Variants in SRGAP2 observed in about 807,000 individuals in gnomAD.
The protein encoded by SRGAP2 is SLIT-ROBO Rho GTPase-activating protein 2.
Under a neutral mutation model 57.2 loss-of-function variants are expected in SRGAP2, and 15 were observed. The observed-to-expected ratio is 0.26, with a 90% CI of 0.18 to 0.40. The LOEUF is 0.40. Ranked by LOEUF, SRGAP2 falls within the 10% of genes least tolerant of loss-of-function variation. The pLI is 1.00. For missense variants in SRGAP2, 520 were observed against 669.6 expected, an observed-to-expected ratio of 0.78 and a Z score of 2.47; for synonymous variants, 249 against 248.0, an observed-to-expected ratio of 1.00 and a Z score of -0.04.
At chr1:206,289,568 C>T (rs1393825184) in intron 2 of SRGAP2, among the ~76,000 whole-genome samples, 10 of 151,672 alleles carry the variant, frequency 6.6e-5, no homozygotes, top group South Asian at 4.2e-4. Flanking sequence ...TGAGCCACCG[C>T]GCCCAGCTGG....
intron 2 of SRGAP2, among the ~76,000 whole-genome samples, chr1:206,268,313 C>T (rs1670001021): frequency 7.2e-6 from 1 of 138,390 alleles, no homozygotes; most frequent in Admixed American, 7.3e-5. Context: ...TCAGTTCCCA[C>T]CTATGAATGA....
At chr1:206,277,904 G>A (rs1158997513) in intron 2 of SRGAP2, among the ~76,000 whole-genome samples, 1 of 152,024 alleles carries the variant, frequency 6.6e-6, no homozygotes, top group Non-Finnish European at 1.5e-5. Context: ...GCTTGAACCA[G>A]GGAGTCAGGG....
chr1:206,384,445 T>C (rs1366582352), intron 5 of SRGAP2, among the ~76,000 whole-genome samples: 5 of 150,246 alleles, frequency 3.3e-5, no homozygotes, highest in Non-Finnish European at 7.4e-5. Context: ...AATATGTGCC[T>C]GTCGGAAAGC....
chr1:206,437,812 C>G (rs1276378647), intron 15 of SRGAP2, 152 bp from the exon 16 acceptor site: 1 of 646,228 alleles, frequency 1.5e-6, no homozygotes, highest in Non-Finnish European at 2.8e-6. Context: ...TTTATCTGTT[C>G]CCTGGTCTGT....
intron 5 of SRGAP2, among the ~76,000 whole-genome samples, chr1:206,387,286 G>A (rs185094544): frequency 1.3e-5 from 2 of 150,430 alleles, no homozygotes; most frequent in African/African-American, 2.5e-5. Context: ...ACATGAAATT[G>A]TCAGTGATGA....
At chr1:206,239,373 T>C (rs1408841074) in intron 2 of SRGAP2, among the ~76,000 whole-genome samples, 1 of 151,002 alleles carries the variant, frequency 6.6e-6, no homozygotes, top group Non-Finnish European at 1.5e-5. Flanking sequence ...TTAGTCCCCC[T>C]TCCCCAAAGA....
intron 2 of SRGAP2, among the ~76,000 whole-genome samples, chr1:206,277,291 TC>T (rs1331871488): frequency 7.9e-6 from 1 of 126,182 alleles, no homozygotes; most frequent in Non-Finnish European, 1.6e-5. Flanking sequence ...AAATTGTTTT[TC>T]TTCATGCTTC....
chr1:206,364,079 A>G (rs1172185085), intron 4 of SRGAP2, among the ~76,000 whole-genome samples: 1 of 147,756 alleles, frequency 6.8e-6, no homozygotes, highest in African/African-American at 2.5e-5. Context: ...GAACAGGGAA[A>G]AAGTTACTAC....
At position 206,450,354 on chromosome 1, in the gene SRGAP2, TAATGTCCCTGTC is replaced by T; in HGVS notation, c.2100-30_2100-19del. On this transcript the variant is annotated intron_variant, in intron 18 of 22. Coordinates refer to ENST00000573034, the MANE Select transcript of SRGAP2 (RefSeq NM_015326.5). ...AGACAAGAATTTTATGAGCACATGT[TAATGTCCCTGTC>T]ACTCTTGCTTCTGTTGCAGTGATAG... The T allele has an allele frequency of 1.3e-6, 1 of 779,842 alleles. No homozygotes were observed. The highest frequency in any genetic ancestry group is 2.4e-6 in the Non-Finnish European group (1 of 417,512). 48.3% of individuals were successfully genotyped at this position (779,842 alleles called of 1,614,324 possible).
intron 2 of SRGAP2, chr1:206,214,391 A>G (rs1434030541): frequency 6.6e-6 from 1 of 150,920 alleles, no homozygotes; most frequent in South Asian, 2.1e-4. Context: ...TGATGAAAAA[A>G]GTGAGGTGTA....
chr1:206,307,599 C>T (rs1428207694), intron 3 of SRGAP2, among the ~76,000 whole-genome samples: 11 of 152,242 alleles, frequency 7.2e-5, no homozygotes, highest in Non-Finnish European at 1.0e-4. Context: ...CCCTGCCCCG[C>T]GGGAAGGCAG....
chr1:206,355,718 G>A (rs1676378779), intron 4 of SRGAP2, among the ~76,000 whole-genome samples: 1 of 152,198 alleles, frequency 6.6e-6, no homozygotes, highest in African/African-American at 2.4e-5. Context: ...TGTAACCCCA[G>A]CACTTTGGGA....
chr1:206,432,565 C>T (rs979720075), intron 14 of SRGAP2, among the ~76,000 whole-genome samples: 6 of 152,104 alleles, frequency 3.9e-5, no homozygotes, highest in Admixed American at 3.3e-4. Flanking sequence ...AACTATGGGA[C>T]ATTCATTCAA....
intron 11 of SRGAP2, among the ~76,000 whole-genome samples, chr1:206,417,064 A>G (rs528541264): frequency 6.7e-6 from 1 of 148,548 alleles, no homozygotes; most frequent in East Asian, 2.0e-4. Flanking sequence ...GATTTCCCAG[A>G]TGATTAATTT....
Position 206,440,010 on chromosome 1 carries a change from C to G in SRGAP2, c.1803C>G (p.Ile601Met). 1.3e-6 allele frequency: 1 copy of G among 780,882 alleles called. No homozygotes were observed. Among genetic ancestry groups the G allele is most frequent in the Non-Finnish European group, 2.4e-6 (1 of 417,966 alleles). The allele number at this position is 780,882 out of a possible 1,614,324, so 48.4% of individuals were successfully genotyped here. A position where few individuals can be genotyped will look rare whatever the true frequency, so the allele number is the denominator to read the frequency against. ...MDNLQERALHIRKVLLVLPKT... is the reference protein window; with the variant it reads ...MDNLQERALHMRKVLLVLPKT... ...ACCTGCAGGAGAGAGCTCTGCACAT[C>G]CGGAAAGTCCTCCTAGTCCTGCCCA... Residue 601 changes from isoleucine (I) to methionine (M), a missense_variant, in exon 17 of 23, where the codon ATC becomes ATG. Transcript: ENST00000573034.
At position 206,454,218 on chromosome 1, in the gene SRGAP2, G is replaced by A; in HGVS notation, c.2361-660G>A. 2.8e-6 allele frequency: 2 copies of A among 702,244 alleles called. No individual in the cohort carries two copies. Among genetic ancestry groups the A allele is most frequent in the Middle Eastern group, 2.3e-4 (1 of 4,360 alleles). The allele number at this position is 702,244 out of a possible 1,614,324, so 43.5% of individuals were successfully genotyped here. ...TCTGCAGGGAAATCCTCCCTCTGTT[G>A]ATAGCATCGCAAACCTGGTGGCAAT... On this transcript the variant is annotated intron_variant, in intron 20 of 22. Transcript: ENST00000573034. The surrounding 1 kb of genome is among the most constrained non-coding windows in gnomAD (Gnocchi z 4.3).
chr1:206,217,450 A>C (rs1292566890), intron 2 of SRGAP2, among the ~76,000 whole-genome samples: 1 of 152,150 alleles, frequency 6.6e-6, no homozygotes, highest in Non-Finnish European at 1.5e-5. Flanking sequence ...GGCTACCATG[A>C]TTTTGGAGAT....
rs567032003 is a variant in SRGAP2, at chr1:206,203,804, C to A, written c.-543+154C>A. On this transcript the variant is annotated intron_variant, in intron 1 of 22. Transcript: ENST00000573034. ...GCCCGGAATCCCTCAGACCGCCCCC[C>A]CTCCACCCTCTCCAAATCTCCCAGT... The A allele has an allele frequency of 6.1e-5, 94 of 1,532,646 alleles. No homozygotes were observed. In the African/African-American group the frequency reaches 8.5e-4, roughly 14 times the overall value. 94.9% of individuals were successfully genotyped at this position (1,532,646 alleles called of 1,614,324 possible).
At chr1:206,331,823 T>G (rs1273574914) in intron 3 of SRGAP2, among the ~76,000 whole-genome samples, 2 of 97,978 alleles carry the variant, frequency 2.0e-5, no homozygotes, top group African/African-American at 1.3e-4. Context: ...AAGTTAATAT[T>G]GTTATGTGTG....
Sources: allele counts gnomAD v4.1 joint callset (sites outside exome capture counted in the v4.1 genomes callset), GRCh38; gene constraint gnomAD v4.1.1; non-coding constraint Gnocchi (gnomAD v3.1); transcripts MANE v1.5; gene names NCBI Gene and HGNC (gene_info 2026-07-23, HGNC 2026-07-21).